Variants in SGCZ observed in about 807,000 individuals in gnomAD.
The protein encoded by SGCZ is zeta-sarcoglycan.
Under a neutral mutation model 41.3 loss-of-function variants are expected in SGCZ, and 40 were observed. The ratio of observed to expected loss-of-function variants is 0.97; its 90% CI spans 0.75 to 1.26. The LOEUF is 1.26. SGCZ is among the 50% of genes most tolerant of loss of function. The probability of loss-of-function intolerance (pLI) is 0.00; values close to 1 mark genes in which losing one functional copy is unlikely to be tolerated. For synonymous variants in SGCZ, 206 were observed against 137.5 expected (o/e 1.50, Z -3.49); for missense variants, 552 against 369.8 (o/e 1.49, Z -4.04).
intron 2 of SGCZ, among the ~76,000 whole-genome samples, chr8:14,457,060 GT>G (rs1476497631): frequency 1.3e-5 from 2 of 152,176 alleles, no homozygotes; most frequent in African/African-American, 4.8e-5. Context: ...AACACGAGCT[GT>G]TCCAGTATAA....
chr8:14,878,722 G>A (rs1192719050), intron 1 of SGCZ, among the ~76,000 whole-genome samples: 3 of 152,146 alleles, frequency 2.0e-5, no homozygotes, highest in Non-Finnish European at 4.4e-5. Flanking sequence ...GTGTCTAAGA[G>A]GCAAGCACTA....
In SGCZ at chr8:14,174,523, C is replaced by T. The variant is rs1804484799; in HGVS notation, c.425-9821G>A. 2.6e-5 allele frequency among the ~76,000 whole-genome samples: 4 copies of T among 152,092 alleles called. No homozygotes were observed. The South Asian group carries it at 8.3e-4, about 32-fold the overall frequency. On this transcript the variant is annotated intron_variant, in intron 4 of 7. Transcript: ENST00000382080. ...AATGAAATAATGAAAGACACAAACT[C>T]AAGAAGTTCAATGTATGCCCAGCCT...
Position 14,802,888 on chromosome 8 carries a change from C to A in SGCZ, c.40-247962G>T, listed in dbSNP as rs564611426. ...GCACTCAACTCACAGCCCACCTGCA[C>A]TGAAGCTTCCTGTCTGCAAGCATTC... On this transcript the variant is annotated intron_variant, in intron 1 of 7. Coordinates refer to ENST00000382080, the MANE Select transcript of SGCZ (RefSeq NM_139167.4). Among the ~76,000 whole-genome samples the A allele has an allele frequency of 3.9e-5, 6 of 152,304 alleles. No individual in the cohort carries two copies. The South Asian group carries it at 1.0e-3, about 26-fold the overall frequency.
chr8:14,136,810 C>T (rs1325199056), intron 5 of SGCZ, among the ~76,000 whole-genome samples: 1 of 152,134 alleles, frequency 6.6e-6, no homozygotes, highest in South Asian at 2.1e-4. Flanking sequence ...GTTCTCCCAC[C>T]ATGGAGTTTG....
At chr8:14,216,191 T>C (rs1346756037) in intron 4 of SGCZ, among the ~76,000 whole-genome samples, 1 of 152,220 alleles carries the variant, frequency 6.6e-6, no homozygotes, top group East Asian at 1.9e-4. Context: ...TCAGTTTCTT[T>C]ACATCCCCTT....
intron 1 of SGCZ, among the ~76,000 whole-genome samples, chr8:14,594,753 G>T (rs1805353444): frequency 6.6e-6 from 1 of 152,034 alleles, no homozygotes; most frequent in Non-Finnish European, 1.5e-5. Flanking sequence ...GTGCTTGTGT[G>T]TGTAAATACT....
At chr8:15,093,129 A>T (rs1806212227) in intron 1 of SGCZ, among the ~76,000 whole-genome samples, 1 of 152,222 alleles carries the variant, frequency 6.6e-6, no homozygotes, top group Non-Finnish European at 1.5e-5. Flanking sequence ...TAATAAAAAA[A>T]ATCAATGAAA....
intron 1 of SGCZ, among the ~76,000 whole-genome samples, chr8:15,148,056 C>A (rs1261604409): frequency 1.4e-5 from 2 of 139,158 alleles, no homozygotes; most frequent in Non-Finnish European, 3.0e-5. Context: ...GAAGGGCTCT[C>A]AAGGACCAAC....
chr8:14,845,080 C>T (rs1803053119), intron 1 of SGCZ, among the ~76,000 whole-genome samples: 1 of 152,138 alleles, frequency 6.6e-6, no homozygotes, highest in Non-Finnish European at 1.5e-5. Context: ...GTTTCCACTT[C>T]AGTATTCACC....
chr8:15,093,812 C>G (rs1352322730), intron 1 of SGCZ, among the ~76,000 whole-genome samples: 1 of 152,148 alleles, frequency 6.6e-6, no homozygotes, highest in South Asian at 2.1e-4. Context: ...ACACAATAAT[C>G]GGACCATTAA....
intron 1 of SGCZ, among the ~76,000 whole-genome samples, chr8:14,973,135 C>T (rs2130867314): frequency 6.6e-6 from 1 of 152,242 alleles, no homozygotes; most frequent in South Asian, 2.1e-4. Flanking sequence ...TTGTAAGTGT[C>T]CATTTATTCT....
intron 1 of SGCZ, among the ~76,000 whole-genome samples, chr8:14,689,273 T>A (rs2117565041): frequency 6.6e-6 from 1 of 152,216 alleles, no homozygotes; most frequent in East Asian, 1.9e-4. Context: ...ATAACTTAAA[T>A]AAGCAGTGGC....
At chr8:15,039,830 T>C (rs1490448885) in intron 1 of SGCZ, among the ~76,000 whole-genome samples, 3 of 152,218 alleles carry the variant, frequency 2.0e-5, no homozygotes, top group East Asian at 3.9e-4. Flanking sequence ...TACATACGTA[T>C]GTGTATTGCA....
intron 1 of SGCZ, among the ~76,000 whole-genome samples, chr8:14,580,560 A>C (rs1804854353): frequency 6.6e-6 from 1 of 152,232 alleles, no homozygotes; most frequent in South Asian, 2.1e-4. Flanking sequence ...AAATTGTAAT[A>C]GAAATAAAAT....
chr8:14,286,268 C>T (rs539816585), intron 3 of SGCZ, among the ~76,000 whole-genome samples: 1 of 152,218 alleles, frequency 6.6e-6, no homozygotes, highest in South Asian at 2.1e-4. Flanking sequence ...TCCCATTTAA[C>T]ATTTTAGACA....
intron 2 of SGCZ, among the ~76,000 whole-genome samples, chr8:14,538,467 C>T (rs1311034353): frequency 6.6e-6 from 1 of 151,876 alleles, no homozygotes; most frequent in Non-Finnish European, 1.5e-5. Flanking sequence ...AGAAACTTAA[C>T]CCAACCTGTG....
intron 2 of SGCZ, among the ~76,000 whole-genome samples, chr8:14,383,524 G>A (rs28637881): frequency 0.074 from 11,277 of 152,178 alleles, 741 homozygotes; most frequent in African/African-American, 0.17. Flanking sequence ...AAGACATGTA[G>A]CCTCACAATA....
At chr8:14,911,244 A>C in intron 1 of SGCZ, among the ~76,000 whole-genome samples, 1 of 151,988 alleles carries the variant, frequency 6.6e-6, no homozygotes, top group Admixed American at 6.6e-5. Flanking sequence ...CTTCATTAGA[A>C]CCTAATGACT....
At chr8:14,342,861 C>T (rs777534597) in intron 2 of SGCZ, among the ~76,000 whole-genome samples, 16 of 152,178 alleles carry the variant, frequency 1.1e-4, no homozygotes, top group Admixed American at 3.3e-4. Context: ...GCCATGACAG[C>T]GACCTTCACC....
Sources: allele counts gnomAD v4.1 joint callset (sites outside exome capture counted in the v4.1 genomes callset), GRCh38; gene constraint gnomAD v4.1.1; transcripts MANE v1.5; gene names NCBI Gene and HGNC (gene_info 2026-07-23, HGNC 2026-07-21).